The following CLK1 variants were observed in gnomAD, a reference collection of about 807,000 sequenced individuals.
CLK1 encodes dual specificity protein kinase CLK1.
A neutral mutation model predicts 60.9 loss-of-function variants in CLK1; 40 were observed. The observed-to-expected ratio is 0.66, with a 90% CI of 0.51 to 0.86. CLK1 has a LOEUF of 0.86. Among genes scored for constraint, CLK1 ranks in the 40% least tolerant of loss-of-function variants. CLK1 has a pLI of 0.00. For synonymous variants in CLK1, 203 were observed against 184.4 expected, an observed-to-expected ratio of 1.10 and a Z score of -0.82; for missense variants, 563 against 606.1, an observed-to-expected ratio of 0.93 and a Z score of 0.75.
chr2:200,859,544 C>A, intron 5 of CLK1, 136 bp downstream of exon 5: 1 of 578,628 alleles, frequency 1.7e-6, no homozygotes. Context: ...TACCTCTTAA[C>A]TGGAAGTGTC....
Position 200,857,849 on chromosome 2 carries a change from T to G in CLK1, c.701A>C (p.His234Pro), listed in dbSNP as rs750763396. 1 of 1,613,774 alleles carries G rather than the reference T, an allele frequency of 6.2e-7. No individual in the cohort carries two copies. Among genetic ancestry groups the G allele is most frequent in the South Asian group, 1.1e-5 (1 of 91,018 alleles). Residue 234 changes from histidine (H) to proline (P), a missense_variant, in exon 7 of 13, where the codon CAT (histidine) becomes CCT (proline). Coordinates refer to ENST00000321356, the MANE Select transcript of CLK1 (RefSeq NM_004071.4). Reference protein sequence around the residue: ...CVQMLEWFEHHGHICIVFELL... With the variant: ...CVQMLEWFEHPGHICIVFELL... The stretch of plus-strand genomic sequence containing the variant: ...TTCAAAAACAATGCAAATGTGACCA[T>G]GATGCTCAAACCATTCCAACATCTG...
chr2:200,857,152 A>C (rs1197328072), intron 7 of CLK1, 167 bp from the exon 8 acceptor site: 2 of 603,708 alleles, frequency 3.3e-6, no homozygotes, highest in Non-Finnish European at 5.8e-6. Context: ...CCAAAATTAC[A>C]AAAATTGGCC....
At chr2:200,859,786 G>T in intron 4 of CLK1, 40 bp from the exon 5 acceptor site, 2 of 1,607,968 alleles carry the variant, frequency 1.2e-6, no homozygotes, top group Non-Finnish European at 1.7e-6. Context: ...TCAAGAAGTG[G>T]AAACAATGTA....
chr2:200,863,422 G>A (rs977057894), intron 1 of CLK1, among the ~76,000 whole-genome samples: 8 of 152,088 alleles, frequency 5.3e-5, no homozygotes, highest in Non-Finnish European at 1.0e-4. Context: ...ACCAGGAGTG[G>A]TGGCGCGCGC....
chr2:200,853,808 C>T, intron 12 of CLK1, 95 bp downstream of exon 12: 1 of 905,012 alleles, frequency 1.1e-6, no homozygotes, highest in South Asian at 1.7e-5. Flanking sequence ...TCGTGCCACT[C>T]TACTCCAGCC....
Position 200,856,697 on chromosome 2 carries a change from G to C in CLK1, c.1042C>G (p.Pro348Ala). 2 of 1,586,920 alleles carry C rather than the reference G, an allele frequency of 1.3e-6. No individual in the cohort carries two copies. The highest frequency in any genetic ancestry group is 8.6e-7 in the Non-Finnish European group (1 of 1,168,150). ...TAATACTCACCTAAAATAACTTCAG[G>C]TGCTCTATAATGTCTTGTAGATACC... ...TLVSTRHYRA[P>A]EVILALGWSQ... is the part of the protein sequence containing the mutation. Residue 348 changes from proline (P) to alanine (A), a missense_variant, in exon 9 of 13, where the codon CCT becomes GCT. By Grantham distance (27) the Pro-to-Ala change is conservative. This residue lies in a region of CLK1 where 360 missense variants were observed against 407.0 expected (regional missense o/e 0.88). Transcript: ENST00000321356.
chr2:200,855,626 C>G (rs1404721928), intron 9 of CLK1, among the ~76,000 whole-genome samples: 1 of 148,388 alleles, frequency 6.7e-6, no homozygotes, highest in Non-Finnish European at 1.5e-5. Flanking sequence ...CTCCGCCCCC[C>G]CCCCAAAAAA....
At chr2:200,859,459 TAA>T (rs2039099305) in intron 5 of CLK1, among the ~76,000 whole-genome samples, 1 of 152,090 alleles carries the variant, frequency 6.6e-6, no homozygotes. Context: ...CAAAACAATA[TAA>T]AGTGTGTTCT....
intron 1 of CLK1, chr2:200,864,106 A>C: frequency 6.5e-7 from 1 of 1,549,772 alleles, no homozygotes; most frequent in East Asian, 2.5e-5. Flanking sequence ...CTTACTCCAG[A>C]CAACGTTTCC....
intron 1 of CLK1, chr2:200,863,243 C>G (rs761787912): frequency 2.0e-5 from 3 of 152,076 alleles, no homozygotes; most frequent in Admixed American, 1.3e-4. Context: ...ACCATTGGAC[C>G]AGCCTGAGTA....
rs776626045 is a variant in CLK1, at chr2:200,861,610, C to T, written c.161+92G>A. 13 of 1,559,586 alleles carry T rather than the reference C, an allele frequency of 8.3e-6. No individual in the cohort carries two copies. In the African/African-American group the frequency reaches 1.1e-4, roughly 13 times the overall value. On this transcript the variant is annotated intron_variant, in intron 2 of 12. Coordinates refer to ENST00000321356, the MANE Select transcript of CLK1 (RefSeq NM_004071.4). Reference sequence around the variant, plus strand: ...ATCAAAATCTCTCATTGGAAACAAACGAATGGTAGTAATCAGGTACTTATT... The same window carrying T: ...ATCAAAATCTCTCATTGGAAACAAATGAATGGTAGTAATCAGGTACTTATT...
At chr2:200,861,186 CCT>C (rs1241049452) in intron 3 of CLK1, 50 bp downstream of exon 3, 5 of 1,571,472 alleles carry the variant, frequency 3.2e-6, no homozygotes, top group Non-Finnish European at 4.3e-6. Flanking sequence ...TTCAAGTTTC[CCT>C]GTTCCACATG....
chr2:200,860,494 TA>T (rs567191952), intron 3 of CLK1: 134,859 of 724,020 alleles, frequency 0.19, 2,212 homozygotes, highest in South Asian at 0.2. Flanking sequence ...TTGTTTTTCT[TA>T]AAAAAAAAAA....
chr2:200,853,059 A>C lies in CLK1; in HGVS notation c.*247T>G. The stretch of plus-strand genomic sequence containing the variant: ...AGGAAGAAAAATGGTACTTAGAACA[A>C]ACTGTTCAGATACATATCAACTTCA... On this transcript the variant is annotated 3_prime_UTR_variant, in exon 13 of 13. Coordinates refer to ENST00000321356, the MANE Select transcript of CLK1 (RefSeq NM_004071.4). 1 of 304,894 alleles carries C rather than the reference A, an allele frequency of 3.3e-6. No individual in the cohort carries two copies. The allele number at this position is 304,894 out of a possible 1,614,324, so 18.9% of individuals were successfully genotyped here.
At chr2:200,855,420 A>G (rs1282939418) in intron 9 of CLK1, among the ~76,000 whole-genome samples, 1 of 152,088 alleles carries the variant, frequency 6.6e-6, no homozygotes, top group African/African-American at 2.4e-5. Flanking sequence ...CAGGAGATCA[A>G]GACCATCCTG....
intron 8 of CLK1, 22 bp from the exon 9 acceptor site, chr2:200,856,833 T>A: frequency 6.2e-7 from 1 of 1,612,694 alleles, no homozygotes; most frequent in Non-Finnish European, 8.5e-7. Context: ...AAATGATGGT[T>A]AAGAAGGCAT....
chr2:200,859,178 T>C (rs993952991), intron 5 of CLK1, among the ~76,000 whole-genome samples: 8 of 151,728 alleles, frequency 5.3e-5, no homozygotes, highest in African/African-American at 1.9e-4. Context: ...CGAGACTCTG[T>C]CTCGAGAAAA....
intron 5 of CLK1, 107 bp downstream of exon 5, chr2:200,859,573 G>A (rs2039101028): frequency 4.0e-6 from 3 of 751,076 alleles, no homozygotes; most frequent in Non-Finnish European, 6.5e-6. Context: ...AAGTAAAAAA[G>A]GGTATAAAGA....
At chr2:200,859,063 T>C (rs2039091970) in intron 5 of CLK1, among the ~76,000 whole-genome samples, 1 of 152,020 alleles carries the variant, frequency 6.6e-6, no homozygotes, top group South Asian at 2.1e-4. Flanking sequence ...GTGTCTGTAG[T>C]TCCAGCTACT....
Sources: allele counts gnomAD v4.1 joint callset (sites outside exome capture counted in the v4.1 genomes callset), GRCh38; gene constraint gnomAD v4.1.1; regional missense constraint gnomAD v4.1.1; transcripts MANE v1.5; gene names NCBI Gene and HGNC (gene_info 2026-07-23, HGNC 2026-07-21).